The following CD36 variants were observed in gnomAD, a reference collection of about 807,000 sequenced individuals.
CD36 encodes platelet glycoprotein 4.
A neutral mutation model predicts 55.2 loss-of-function variants in CD36; 119 were observed. That is an observed-to-expected ratio of 2.15 (90% CI 1.86 to 2.51). CD36 has a LOEUF of 2.51. Ranked by LOEUF, CD36 falls within the 30% of genes most tolerant of loss-of-function variation. The pLI is 0.00. For synonymous variants in CD36, 186 were observed against 193.6 expected, an observed-to-expected ratio of 0.96 and a Z score of 0.33; for missense variants, 819 against 555.5, an observed-to-expected ratio of 1.47 and a Z score of -4.77.
At chr7:80,668,633 A>G (rs1446299584) in intron 8 of CD36, among the ~76,000 whole-genome samples, 1 of 152,224 alleles carries the variant, frequency 6.6e-6, no homozygotes, top group Non-Finnish European at 1.5e-5. Context: ...ATCTTCAATG[A>G]TATTTTAGAT....
rs746930611 is a variant in CD36 at position 80,672,833 on chromosome 7, G to C, written c.1189G>C (p.Glu397Gln). The C allele has an allele frequency of 4.4e-6, 7 of 1,609,158 alleles. No homozygotes were observed. The African/African-American group carries it at 9.4e-5, about 22-fold the overall frequency. Residue 397 changes from glutamate to glutamine, a missense_variant, in exon 12 of 15, where the codon GAA becomes CAA. Glu to Gln is a conservative substitution (Grantham distance 29). Transcript: ENST00000447544. ...GGTCAACCTATTGGTCAAGCCATCAGAAAAAATTCAGTGAGTCTCTTGAAA... is the reference window on the plus strand; with the variant it reads ...GGTCAACCTATTGGTCAAGCCATCACAAAAAATTCAGTGAGTCTCTTGAAA... ...LQVNLLVKPS[E>Q]KIQVLKNLKR...
In CD36 at chr7:80,676,588, G is replaced by A. The variant is rs1262411948; in HGVS notation, c.*205G>A. ...GGACCATCAGTATACTGCATTTCAT[G>A]TGCACCAAATATTTTGAAAGACATT... On this transcript the variant is annotated 3_prime_UTR_variant, in exon 15 of 15. Coordinates refer to ENST00000447544, the MANE Select transcript of CD36 (RefSeq NM_001001548.3). The A allele has an allele frequency of 1.3e-5, 2 of 152,092 alleles. No individual in the cohort carries two copies. Among genetic ancestry groups the A allele is most frequent in the East Asian group, 1.9e-4 (1 of 5,190 alleles). 9.4% of individuals were successfully genotyped at this position (152,092 alleles called of 1,614,324 possible). A position where few individuals can be genotyped will look rare whatever the true frequency, so the allele number is the denominator to read the frequency against.
In CD36 at chr7:80,645,500, C is replaced by A. The variant is rs887505417; in HGVS notation, c.-183-588C>A. 2.6e-5 allele frequency among the ~76,000 whole-genome samples: 4 copies of A among 151,630 alleles called. No individual in the cohort carries two copies. In the East Asian group the frequency reaches 8.0e-4, roughly 30 times the overall value. On this transcript the variant is annotated intron_variant, in intron 1 of 14. Coordinates refer to ENST00000447544, the MANE Select transcript of CD36 (RefSeq NM_001001548.3). The stretch of plus-strand genomic sequence containing the variant: ...TACAAAAATTAACCAGGCATGGTGG[C>A]GTGCACCTGTAATCCCAGCTACACA...
intron 4 of CD36, 59 bp downstream of exon 4, chr7:80,656,759 T>C: frequency 1.4e-6 from 2 of 1,465,924 alleles, no homozygotes; most frequent in East Asian, 4.5e-5. Context: ...TTCTGAGAAG[T>C]CTTCTACTTG....
chr7:80,646,309 C>A, intron 2 of CD36, 128 bp downstream of exon 2: 2 of 227,758 alleles, frequency 8.8e-6, no homozygotes, highest in Non-Finnish European at 1.8e-5. Context: ...GTGGAGAAAC[C>A]AGATAGTGAG....
At chr7:80,666,396 TATTCTTTAA>T in intron 7 of CD36, 38 bp from the exon 8 acceptor site, 4 of 1,201,768 alleles carry the variant, frequency 3.3e-6, no homozygotes, top group Non-Finnish European at 5.0e-6. Flanking sequence ...GTAAGAAAGG[TATTCTTTAA>T]ATAAGAATGT....
At chr7:80,627,463 C>CTT (rs994320174) in intron 1 of CD36, among the ~76,000 whole-genome samples, 1 of 144,834 alleles carries the variant, frequency 6.9e-6, no homozygotes, top group Non-Finnish European at 1.5e-5. Context: ...AAAAGAGGGG[C>CTT]TTTTTTTTTT....
chr7:80,667,104 G>A (rs1031816641), intron 8 of CD36, among the ~76,000 whole-genome samples: 3 of 152,098 alleles, frequency 2.0e-5, no homozygotes, highest in African/African-American at 7.2e-5. Flanking sequence ...GTACAGATAT[G>A]CCTATTAGTT....
chr7:80,674,057 G>A lies in CD36; in HGVS notation c.1329G>A (p.Leu443=), dbSNP rs766238542. The A allele has an allele frequency of 1.2e-6, 2 of 1,611,994 alleles. No individual in the cohort carries two copies. Among genetic ancestry groups the A allele is most frequent in the Admixed American group, 1.7e-5 (1 of 59,844 alleles). Reference sequence around the variant, plus strand: ...CTGGAAAAATAAACCTCCTTGGCCTGATAGAAATGATCTTACTCAGTGTTG... The same window carrying A: ...CTGGAAAAATAAACCTCCTTGGCCTAATAGAAATGATCTTACTCAGTGTTG... ...QVTGKINLLG[L]IEMILLSVGV... The change falls in exon 14 of 15, where the codon CTG becomes CTA. Residue 443 remains leucine (L), a synonymous_variant. Coordinates refer to ENST00000447544, the MANE Select transcript of CD36 (RefSeq NM_001001548.3).
At chr7:80,647,682 G>A (rs1018042214) in intron 3 of CD36, among the ~76,000 whole-genome samples, 7 of 152,144 alleles carry the variant, frequency 4.6e-5, no homozygotes, top group African/African-American at 1.7e-4. Flanking sequence ...AATGGCTGCA[G>A]GAGTTTGGAT....
chr7:80,646,804 T>C lies in CD36; in HGVS notation c.64T>C (p.Phe22Leu). ...GAVIGAVLAVFGGILMPVGDL... is the reference protein window; with the variant it reads ...GAVIGAVLAVLGGILMPVGDL... ...TGTCATTGGTGCTGTCCTGGCTGTG[T>C]TTGGAGGTATTCTAATGCCAGTTGG... The change falls in exon 3 of 15, where the codon TTT becomes CTT. Residue 22 changes from phenylalanine to leucine, a missense_variant. Transcript: ENST00000447544. 2 of 1,613,934 alleles carry C rather than the reference T, an allele frequency of 1.2e-6. No individual in the cohort carries two copies. Among genetic ancestry groups the C allele is most frequent in the Non-Finnish European group, 1.7e-6 (2 of 1,179,890 alleles).
At chr7:80,612,906 A>G (rs1298661307) in intron 1 of CD36, among the ~76,000 whole-genome samples, 1 of 152,130 alleles carries the variant, frequency 6.6e-6, no homozygotes, top group African/African-American at 2.4e-5. Flanking sequence ...TTTCATCATA[A>G]GCTTTGCTTA....
At chr7:80,606,846 G>C (rs545225903) in intron 1 of CD36, among the ~76,000 whole-genome samples, 2 of 152,172 alleles carry the variant, frequency 1.3e-5, no homozygotes, top group Admixed American at 1.3e-4. Flanking sequence ...ACCAGCTGGT[G>C]GTAAAAGTAC....
chr7:80,631,619 G>A (rs1794076678), intron 1 of CD36, among the ~76,000 whole-genome samples: 1 of 151,510 alleles, frequency 6.6e-6, no homozygotes, highest in Non-Finnish European at 1.5e-5. Context: ...GACAGTTGAA[G>A]GGTTTCAGTG....
At chr7:80,634,853 A>G (rs1243209097), upstream of CD36, among the ~76,000 whole-genome samples, 1 of 152,106 alleles carries the variant, frequency 6.6e-6, no homozygotes, top group Middle Eastern at 3.2e-3. Flanking sequence ...GCATGATACA[A>G]TCCTCAAAAG....
At position 80,671,109 on chromosome 7, in the gene CD36, T is replaced by G. The variant is rs1466355543; in HGVS notation, c.951T>G (p.Ile317Met). The change falls in exon 10 of 15, where the codon ATT (isoleucine) becomes ATG (methionine). Residue 317 changes from isoleucine to methionine, a missense_variant. Coordinates refer to ENST00000447544, the MANE Select transcript of CD36 (RefSeq NM_001001548.3). Reference protein sequence around the residue: ...PDNYCFCTEKIISKNCTSYGV... With the variant: ...PDNYCFCTEKMISKNCTSYGV... ...ACTATTGTTTCTGCACAGAAAAAAT[T>G]ATCTCAAAAAATTGTACATCATATG... 6.2e-7 allele frequency: 1 copy of G among 1,613,352 alleles called. No homozygotes were observed.
At chr7:80,616,452 TG>T (rs1793161703) in intron 1 of CD36, among the ~76,000 whole-genome samples, 1 of 103,852 alleles carries the variant, frequency 9.6e-6, no homozygotes, top group Non-Finnish European at 1.9e-5. Context: ...TGTGTGTGCC[TG>T]CACGCACACA....
chr7:80,614,919 C>T (rs1318672931), intron 1 of CD36, among the ~76,000 whole-genome samples: 4 of 152,070 alleles, frequency 2.6e-5, no homozygotes, highest in Non-Finnish European at 5.9e-5. Context: ...TGCATAGGGG[C>T]GTATCCAGTT....
Position 80,662,996 on chromosome 7 carries a change from T to C in CD36, c.436T>C (p.Ser146Pro). The C allele has an allele frequency of 6.2e-7, 1 of 1,611,532 alleles. No individual in the cohort carries two copies. The highest frequency in any genetic ancestry group is 1.1e-5 in the South Asian group (1 of 90,990). ...AGTGACTTTGTTTTTGTAGGCTGCATCCCATATCTATCAAAATCAATTTGT... is the reference window on the plus strand; with the variant it reads ...AGTGACTTTGTTTTTGTAGGCTGCACCCCATATCTATCAAAATCAATTTGT... ...TVLNLAVAAASHIYQNQFVQM... is the reference protein window; with the variant it reads ...TVLNLAVAAAPHIYQNQFVQM... Residue 146 changes from serine (S) to proline (P), a missense_variant, in exon 6 of 15, where the codon TCC becomes CCC. Physicochemically the swap from Ser to Pro is moderately conservative, Grantham distance 74. Coordinates refer to ENST00000447544, the MANE Select transcript of CD36 (RefSeq NM_001001548.3).
Sources: allele counts gnomAD v4.1 joint callset (sites outside exome capture counted in the v4.1 genomes callset), GRCh38; gene constraint gnomAD v4.1.1; transcripts MANE v1.5; gene names NCBI Gene and HGNC (gene_info 2026-07-23, HGNC 2026-07-21).